The following SARDH variants were observed in gnomAD, a reference collection of about 807,000 sequenced individuals.
The protein encoded by SARDH is sarcosine dehydrogenase.
In SARDH, 95 loss-of-function variants were observed where a neutral mutation model predicts 109.1. The ratio of observed to expected loss-of-function variants is 0.87; its 90% CI spans 0.74 to 1.03. The LOEUF (loss-of-function observed/expected upper bound fraction) is 1.03, where lower values mean the gene tolerates loss of function less well. SARDH is among the 50% of genes least tolerant of loss of function. SARDH has a pLI of 0.00. For missense variants in SARDH, 1,267 were observed against 1,287.8 expected (o/e 0.98, Z 0.25); for synonymous variants, 572 against 534.8 (o/e 1.07, Z -0.96).
At chr9:133,667,309 G>A (rs531730524) in intron 19 of SARDH, among the ~76,000 whole-genome samples, 1 of 149,834 alleles carries the variant, frequency 6.7e-6, no homozygotes, top group African/African-American at 2.5e-5. Flanking sequence ...TGGGATTACA[G>A]GCACCCACCA....
chr9:133,684,346 G>C (rs896902995), intron 17 of SARDH, among the ~76,000 whole-genome samples: 3 of 152,262 alleles, frequency 2.0e-5, no homozygotes, highest in Non-Finnish European at 4.4e-5. Context: ...CTGTAACAGA[G>C]CCGCCCGCAC....
chr9:133,711,369 G>A (rs1039089886), intron 10 of SARDH, among the ~76,000 whole-genome samples: 11 of 152,340 alleles, frequency 7.2e-5, no homozygotes, highest in East Asian at 3.9e-4. Context: ...TTCAAAAGCC[G>A]GGTGACTTCA....
chr9:133,729,110 G>A (rs1477954943), intron 6 of SARDH, among the ~76,000 whole-genome samples: 2 of 152,166 alleles, frequency 1.3e-5, no homozygotes, highest in African/African-American at 2.4e-5. Context: ...TACGGGAGTA[G>A]ATGGATGGAG....
intron 6 of SARDH, among the ~76,000 whole-genome samples, chr9:133,725,208 A>G (rs1356175764): frequency 6.6e-6 from 1 of 152,218 alleles, no homozygotes; most frequent in East Asian, 1.9e-4. Flanking sequence ...GTCTGGGGAC[A>G]GGGTGGGAAA....
intron 17 of SARDH, among the ~76,000 whole-genome samples, chr9:133,675,192 A>C (rs145485454): frequency 6.6e-6 from 1 of 150,644 alleles, no homozygotes; most frequent in Non-Finnish European, 1.5e-5. Context: ...AAAAATATTT[A>C]AAAAAAAAAT....
Position 133,685,176 on chromosome 9 carries a change from G to T in SARDH, c.2163+17C>A. 1 of 1,611,176 alleles carries T rather than the reference G, an allele frequency of 6.2e-7. No homozygotes were observed. The highest frequency in any genetic ancestry group is 1.1e-5 in the South Asian group (1 of 90,924). ...CTGCCACCCACGACCCAGAGGACGT[G>T]GCCAGCTGGAACCTACCAGGTGCCC... On this transcript the variant is annotated intron_variant, in intron 17 of 20. Transcript: ENST00000439388.
At chr9:133,730,645 G>T (rs1832648739) in intron 4 of SARDH, among the ~76,000 whole-genome samples, 1 of 151,784 alleles carries the variant, frequency 6.6e-6, no homozygotes, top group Non-Finnish European at 1.5e-5. Flanking sequence ...GTTACTGCTG[G>T]GTGATCTTGA....
intron 11 of SARDH, among the ~76,000 whole-genome samples, chr9:133,705,915 A>G (rs1415159481): frequency 3.3e-5 from 5 of 152,310 alleles, no homozygotes; most frequent in African/African-American, 1.2e-4. Context: ...GCATGAGGAC[A>G]GTGAGAAGGT....
At chr9:133,671,269 GCTCT>G (rs1465159631) in intron 18 of SARDH, among the ~76,000 whole-genome samples, 3 of 152,094 alleles carry the variant, frequency 2.0e-5, no homozygotes, top group Admixed American at 6.5e-5. Flanking sequence ...CAGCACCTCA[GCTCT>G]CTGAGTTCAG....
At chr9:133,697,185 T>C (rs2131399212) in intron 13 of SARDH, among the ~76,000 whole-genome samples, 1 of 152,214 alleles carries the variant, frequency 6.6e-6, no homozygotes, top group Admixed American at 6.5e-5. Flanking sequence ...GCCAACAGAC[T>C]AGACACGAAA....
intron 17 of SARDH, 60 bp downstream of exon 17, chr9:133,685,133 C>G: frequency 6.9e-7 from 1 of 1,452,970 alleles, no homozygotes; most frequent in Non-Finnish European, 9.5e-7. Flanking sequence ...GATCCCCCGG[C>G]GCACCCCTCA....
At chr9:133,678,238 G>C (rs754909624) in intron 17 of SARDH, among the ~76,000 whole-genome samples, 2 of 152,134 alleles carry the variant, frequency 1.3e-5, no homozygotes, top group African/African-American at 4.8e-5. Flanking sequence ...CAGCAGGCTC[G>C]AGGCTCATCT....
intron 6 of SARDH, among the ~76,000 whole-genome samples, chr9:133,726,034 C>T (rs928977204): frequency 2.0e-5 from 3 of 152,078 alleles, no homozygotes; most frequent in Admixed American, 6.6e-5. Flanking sequence ...ACCAGGGGAT[C>T]GTTGTCAGGT....
At position 133,707,272 on chromosome 9, in the gene SARDH, G is replaced by A. The variant is rs75788720; in HGVS notation, c.1470+1015C>T. Among the ~76,000 whole-genome samples the A allele has an allele frequency of 3.6e-3, 541 of 152,322 alleles. 5 individuals carry two copies. The highest frequency in any genetic ancestry group is 0.012 in the African/African-American group (503 of 41,560). ...TGAGGAATGCGTCTGAGCTGACTGC[G>A]AGAGGAGCAAACCCTGCATTCACCC... On this transcript the variant is annotated intron_variant, in intron 11 of 20. Transcript: ENST00000439388.
chr9:133,684,284 C>T (rs1016652060), intron 17 of SARDH, among the ~76,000 whole-genome samples: 5 of 152,216 alleles, frequency 3.3e-5, no homozygotes, highest in African/African-American at 1.2e-4. Flanking sequence ...GGAGGGCCCT[C>T]ACAGCAGAGA....
chr9:133,668,438 T>TC (rs199701732), intron 19 of SARDH, among the ~76,000 whole-genome samples: 5 of 23,038 alleles, frequency 2.2e-4, no homozygotes, highest in African/African-American at 9.9e-4. Flanking sequence ...ACCCTCCCTC[T>TC]CCCTTACCCT....
At chr9:133,701,601 G>A (rs1831489930) in intron 13 of SARDH, among the ~76,000 whole-genome samples, 1 of 152,292 alleles carries the variant, frequency 6.6e-6, no homozygotes, top group South Asian at 2.1e-4. Context: ...CCACATCCTC[G>A]AGGGCCAGAG....
rs538261773 is a variant in SARDH at position 133,714,736 on chromosome 9, C to T, written c.1151-1612G>A. Among the ~76,000 whole-genome samples, 24 of 152,262 alleles carry T rather than the reference C, an allele frequency of 1.6e-4. No individual in the cohort carries two copies. In the South Asian group the frequency reaches 4.8e-3, roughly 30 times the overall value. ...TAGAGGCTGCAGGGAGCCAAAATCG[C>T]ACCACTGCTCTGCAGCCTGGGCAAC... On this transcript the variant is annotated intron_variant, in intron 8 of 20. Transcript: ENST00000439388.
intron 6 of SARDH, among the ~76,000 whole-genome samples, chr9:133,719,398 C>A (rs1832243141): frequency 6.6e-6 from 1 of 152,164 alleles, no homozygotes; most frequent in East Asian, 1.9e-4. Context: ...AGATTCCAAC[C>A]AACCCTGGAG....
Sources: allele counts gnomAD v4.1 joint callset (sites outside exome capture counted in the v4.1 genomes callset), GRCh38; gene constraint gnomAD v4.1.1; transcripts MANE v1.5; gene names NCBI Gene and HGNC (gene_info 2026-07-23, HGNC 2026-07-21).